Variants in PCNT observed in about 807,000 individuals in gnomAD.
PCNT encodes the protein pericentrin, also known as kendrin.
A neutral mutation model predicts 380.4 loss-of-function variants in PCNT; 319 were observed. That is an observed-to-expected ratio of 0.84 (90% CI 0.77 to 0.92). The LOEUF (loss-of-function observed/expected upper bound fraction) is 0.92, where lower values mean the gene tolerates loss of function less well. Ranked by LOEUF, PCNT falls within the 40% of genes least tolerant of loss-of-function variation. PCNT has a pLI of 0.00. For missense variants in PCNT, 4,400 were observed against 4,255.3 expected (o/e 1.03, Z -0.95); for synonymous variants, 1,845 against 1,735.2 (o/e 1.06, Z -1.57).
At chr21:46,326,696 G>A (rs993622277) in intron 2 of PCNT, 107 bp downstream of exon 2, 2 of 1,187,088 alleles carry the variant, frequency 1.7e-6, no homozygotes, top group Non-Finnish European at 2.5e-6. Flanking sequence ...TCAAAAGTGA[G>A]GAAAGAGGGT....
intron 17 of PCNT, among the ~76,000 whole-genome samples, chr21:46,386,913 C>T (rs1001243852): frequency 2.0e-5 from 3 of 152,136 alleles, no homozygotes; most frequent in Non-Finnish European, 4.4e-5. Context: ...GGCGTGTCCC[C>T]GCCCGAGGCC....
In PCNT at chr21:46,416,093, T is replaced by C. The variant is rs1405770133; in HGVS notation, c.6175T>C (p.Cys2059Arg). The C allele has an allele frequency of 3.7e-6, 6 of 1,614,152 alleles. No homozygotes were observed. Among genetic ancestry groups the C allele is most frequent in the Non-Finnish European group, 5.1e-6 (6 of 1,180,026 alleles). Residue 2059 changes from cysteine (C) to arginine (R), a missense_variant, in exon 30 of 47, where the codon TGT (cysteine) becomes CGT (arginine). Transcript: ENST00000359568. ...GGGTAAAGAAAAAGTACTGGAAGAT[T>C]GTCAGCTGCCGAAGGTCGATCTCGT... ...GKGKEKVLED[C>R]QLPKVDLVAQ...
At chr21:46,439,377 C>T (rs774111156) in intron 41 of PCNT, among the ~76,000 whole-genome samples, 1 of 152,136 alleles carries the variant, frequency 6.6e-6, no homozygotes, top group Non-Finnish European at 1.5e-5. Context: ...TGCTGCATCT[C>T]CCAGGCTGGA....
intron 13 of PCNT, among the ~76,000 whole-genome samples, chr21:46,361,207 A>G (rs1285522990): frequency 6.6e-6 from 1 of 152,076 alleles, no homozygotes; most frequent in Non-Finnish European, 1.5e-5. Flanking sequence ...CAACATGGGG[A>G]AACCCTGTCT....
At chr21:46,431,115 A>T in intron 37 of PCNT, 2 of 1,183,334 alleles carry the variant, frequency 1.7e-6, no homozygotes, top group Non-Finnish European at 2.1e-6. Flanking sequence ...GTTCCTAGCA[A>T]GCTGGGTGTG....
rs1434260021 is a variant in PCNT, at chr21:46,347,515, A to G, written c.1032+3A>G. The G allele has an allele frequency of 6.2e-7, 1 of 1,613,616 alleles. No individual in the cohort carries two copies. Among genetic ancestry groups the G allele is most frequent in the Middle Eastern group, 1.6e-4 (1 of 6,062 alleles). On this transcript the variant is annotated splice_donor_region_variant and intron_variant, in intron 6 of 46. Coordinates refer to ENST00000359568, the MANE Select transcript of PCNT (RefSeq NM_006031.6). ...AGAAAAACGCCCAGATAGTAAAGGT[A>G]CCCGGGATCGATTCTAAAATGCACG...
chr21:46,423,950 G>A (rs2087380673), intron 32 of PCNT, among the ~76,000 whole-genome samples: 2 of 152,168 alleles, frequency 1.3e-5, no homozygotes, highest in East Asian at 1.9e-4. Flanking sequence ...GGATGTCTCA[G>A]ACTGTTTCAA....
intron 32 of PCNT, among the ~76,000 whole-genome samples, chr21:46,424,786 T>G (rs1332896367): frequency 7.5e-6 from 1 of 133,386 alleles, no homozygotes; most frequent in African/African-American, 2.8e-5. Flanking sequence ...ACCACCCCGC[T>G]CCCCTCAACC....
At chr21:46,393,040 C>G (rs2086086158) in intron 21 of PCNT, among the ~76,000 whole-genome samples, 1 of 152,198 alleles carries the variant, frequency 6.6e-6, no homozygotes, top group Non-Finnish European at 1.5e-5. Flanking sequence ...TGGGCCCTTG[C>G]TCGGGGGTGG....
intron 22 of PCNT, 35 bp downstream of exon 22, chr21:46,397,529 C>T (rs2086248733): frequency 1.3e-6 from 2 of 1,553,698 alleles, no homozygotes; most frequent in African/African-American, 1.4e-5. Flanking sequence ...TTTTGCATCA[C>T]TAAAAGTTGC....
At position 46,427,817 on chromosome 21, in the gene PCNT, A is replaced by C. The variant is rs531974253; in HGVS notation, c.7494+22A>C. 10 of 1,612,460 alleles carry C rather than the reference A, an allele frequency of 6.2e-6. No homozygotes were observed. In the East Asian group the frequency reaches 2.2e-4, roughly 36 times the overall value. ...GCAGGTGAGTGTCAGCTCTGCCACC[A>C]GGCCTCAGTTTGCCCCAGGGGTCCA... On this transcript the variant is annotated intron_variant, in intron 34 of 46. Transcript: ENST00000359568.
chr21:46,349,288 C>T lies in PCNT; in HGVS notation c.1207+102C>T, dbSNP rs922687609. Reference sequence around the variant, plus strand: ...CACCATGCGTCATTGCGCACGTTTCCTACCTTCTAAATGCTGGATGGCCCC... The same window carrying T: ...CACCATGCGTCATTGCGCACGTTTCTTACCTTCTAAATGCTGGATGGCCCC... On this transcript the variant is annotated intron_variant, in intron 7 of 46. Transcript: ENST00000359568. The T allele has an allele frequency of 1.3e-5, 13 of 1,006,556 alleles. No homozygotes were observed. In the Admixed American group the frequency reaches 1.4e-4, roughly 11 times the overall value. The allele number at this position is 1,006,556 out of a possible 1,614,324, so 62.4% of individuals were successfully genotyped here. A position where few individuals can be genotyped will look rare whatever the true frequency, so the allele number is the denominator to read the frequency against.
At chr21:46,432,988 T>C (rs2087832650) in intron 38 of PCNT, among the ~76,000 whole-genome samples, 1 of 152,134 alleles carries the variant, frequency 6.6e-6, no homozygotes, top group Non-Finnish European at 1.5e-5. Flanking sequence ...AGTTTTATAC[T>C]TTTGTTAAAT....
intron 37 of PCNT, chr21:46,431,045 C>G (rs1260088097): frequency 1.0e-6 from 1 of 985,366 alleles, no homozygotes; most frequent in Non-Finnish European, 1.2e-6. Flanking sequence ...CCTGCTGTGG[C>G]TTCTGAGCAA....
At chr21:46,401,233 A>T (rs116328527) in intron 25 of PCNT, among the ~76,000 whole-genome samples, 5 of 151,976 alleles carry the variant, frequency 3.3e-5, no homozygotes, top group African/African-American at 1.2e-4. Context: ...CCATTGCCCT[A>T]TTTTTTTTGG....
chr21:46,380,102 A>G (rs1488214055), intron 15 of PCNT, among the ~76,000 whole-genome samples: 1 of 147,884 alleles, frequency 6.8e-6, no homozygotes. Flanking sequence ...TGCGGCTATT[A>G]AACACTTGAC....
In PCNT at chr21:46,440,846, T is replaced by G. The variant is rs1338461081; in HGVS notation, c.9394-9T>G. On this transcript the variant is annotated splice_polypyrimidine_tract_variant and intron_variant, in intron 42 of 46. Coordinates refer to ENST00000359568, the MANE Select transcript of PCNT (RefSeq NM_006031.6). ...CTATGATAAAATTTTACTGCTTTTT[T>G]TCTTTTAGATGGAAAAATTGTACCT... 1 of 1,560,542 alleles carries G rather than the reference T, an allele frequency of 6.4e-7. No individual in the cohort carries two copies. Among genetic ancestry groups the G allele is most frequent in the Admixed American group, 1.7e-5 (1 of 59,962 alleles).
At chr21:46,361,069 G>C (rs1242767987) in intron 13 of PCNT, among the ~76,000 whole-genome samples, 1 of 152,046 alleles carries the variant, frequency 6.6e-6, no homozygotes, top group East Asian at 1.9e-4. Flanking sequence ...TTTGCATTAT[G>C]TTTTTAATAG....
Position 46,412,826 on chromosome 21 carries a change from C to A in PCNT, c.5995-11C>A, listed in dbSNP as rs1487541133. On this transcript the variant is annotated splice_polypyrimidine_tract_variant and intron_variant, in intron 28 of 46. Coordinates refer to ENST00000359568, the MANE Select transcript of PCNT (RefSeq NM_006031.6). ...CTGCATGCTCAGCTTTCCTCTGTCT[C>A]CTCTGTCAAGGGTGATCTGCAGCCT... 4 of 1,610,084 alleles carry A rather than the reference C, an allele frequency of 2.5e-6. No homozygotes were observed. The highest frequency in any genetic ancestry group is 2.2e-5 in the East Asian group (1 of 44,898).
Sources: allele counts gnomAD v4.1 joint callset (sites outside exome capture counted in the v4.1 genomes callset), GRCh38; gene constraint gnomAD v4.1.1; transcripts MANE v1.5; gene names NCBI Gene and HGNC (gene_info 2026-07-23, HGNC 2026-07-21).